The following LINS1 variants were observed in gnomAD, a reference collection of about 807,000 sequenced individuals.
LINS1 encodes lines homolog 1, also known as protein Lines homolog 1.
In LINS1, 27 loss-of-function variants were observed where a neutral mutation model predicts 41.6. That is an observed-to-expected ratio of 0.65 (90% CI 0.48 to 0.89). The LOEUF is 0.89. Among genes scored for constraint, LINS1 ranks in the 40% least tolerant of loss-of-function variants. LINS1 has a pLI of 0.00. For synonymous variants in LINS1, 336 were observed against 312.9 expected, an observed-to-expected ratio of 1.07 and a Z score of -0.78; for missense variants, 955 against 884.1, an observed-to-expected ratio of 1.08 and a Z score of -1.02.
intron 3 of LINS1, 97 bp from the exon 4 acceptor site, chr15:100,575,225 G>T (rs545484968): frequency 9.2e-7 from 1 of 1,090,886 alleles, no homozygotes; most frequent in Admixed American, 2.0e-5. Context: ...GCCAAAAGAA[G>T]TATGATAATA....
intron 5 of LINS1, 69 bp downstream of exon 5, chr15:100,573,582 G>A (rs1033905669): frequency 3.0e-6 from 3 of 1,003,914 alleles, no homozygotes; most frequent in Admixed American, 4.1e-5. Context: ...CCTGAGATTT[G>A]ATAATTATGA....
intron 1 of LINS1, among the ~76,000 whole-genome samples, chr15:100,586,618 G>T (rs185943108): frequency 6.6e-6 from 1 of 152,270 alleles, no homozygotes; most frequent in African/African-American, 2.4e-5. Flanking sequence ...GTGCCAAAAA[G>T]TTTATATTAC....
intron 1 of LINS1, among the ~76,000 whole-genome samples, chr15:100,598,852 G>C (rs1333250064): frequency 6.6e-6 from 1 of 152,148 alleles, no homozygotes; most frequent in Non-Finnish European, 1.5e-5. Flanking sequence ...ACTGCCTGCT[G>C]CCAACTAGAG....
intron 1 of LINS1, among the ~76,000 whole-genome samples, chr15:100,583,761 T>C (rs1374500730): frequency 6.6e-6 from 1 of 152,196 alleles, no homozygotes; most frequent in Non-Finnish European, 1.5e-5. Flanking sequence ...TTATGAACAC[T>C]CTCCCTATTG....
chr15:100,569,435 A>C lies in LINS1; in HGVS notation c.2077T>G (p.Phe693Val). The change falls in exon 7 of 7, where the codon TTT becomes GTT. Residue 693 changes from phenylalanine to valine, a missense_variant. Physicochemically the swap from Phe to Val is conservative, Grantham distance 50. Coordinates refer to ENST00000314742, the MANE Select transcript of LINS1 (RefSeq NM_001040616.3). ...VLKEFDTAFS[F>V]DCEVAPNDVV... Reference sequence around the variant, plus strand: ...TCATTTGGGGCTACTTCACAATCAAAGGAGAAGGCAGTATCAAATTCTTTC... The same window carrying C: ...TCATTTGGGGCTACTTCACAATCAACGGAGAAGGCAGTATCAAATTCTTTC... 2 of 1,614,178 alleles carry C rather than the reference A, an allele frequency of 1.2e-6. No homozygotes were observed. Among genetic ancestry groups the C allele is most frequent in the Non-Finnish European group, 1.7e-6 (2 of 1,180,004 alleles).
At position 100,580,211 on chromosome 15, in the gene LINS1, T is replaced by A. The variant is rs1165668147; in HGVS notation, c.489+52A>T. 26 of 1,362,322 alleles carry A rather than the reference T, an allele frequency of 1.9e-5. No individual in the cohort carries two copies. In the Admixed American group the frequency reaches 4.4e-4, roughly 23 times the overall value. 84.4% of individuals were successfully genotyped at this position (1,362,322 alleles called of 1,614,324 possible). On this transcript the variant is annotated intron_variant, in intron 3 of 6. Transcript: ENST00000314742. Reference sequence around the variant, plus strand: ...CTTGTCTCCACAAAACATTTAAATTTAAAAAAAATTAAGAAAGAGAAATAA... The same window carrying A: ...CTTGTCTCCACAAAACATTTAAATTAAAAAAAAATTAAGAAAGAGAAATAA...
At chr15:100,583,882 ATATTT>A (rs1351459456) in intron 1 of LINS1, among the ~76,000 whole-genome samples, 1 of 152,108 alleles carries the variant, frequency 6.6e-6, no homozygotes, top group Admixed American at 6.5e-5. Flanking sequence ...CACTTACTTT[ATATTT>A]TAGTTATAAT....
At chr15:100,596,840 A>C (rs1459176715) in intron 1 of LINS1, 1 of 151,916 alleles carries the variant, frequency 6.6e-6, no homozygotes, top group Admixed American at 6.6e-5. Context: ...CTGAATGCAT[A>C]CTCTTGGCTG....
intron 1 of LINS1, among the ~76,000 whole-genome samples, chr15:100,587,722 T>C (rs1387327556): frequency 6.6e-6 from 1 of 152,236 alleles, no homozygotes. Flanking sequence ...CTGCAGGAAT[T>C]AATGGAGCAC....
chr15:100,574,322 C>T, intron 4 of LINS1, 81 bp from the exon 5 acceptor site: 2 of 940,254 alleles, frequency 2.1e-6, no homozygotes, highest in South Asian at 2.9e-5. Context: ...TTATAAATAT[C>T]ACTTTTTAAG....
chr15:100,569,196 T>C lies in LINS1; in HGVS notation c.*42A>G, dbSNP rs375373881. On this transcript the variant is annotated 3_prime_UTR_variant, in exon 7 of 7. Transcript: ENST00000314742. ...TATTACCTCATTGAGACATAATTTA[T>C]ATTAAGGAAAAACAATACCTGGAAA... 3 of 1,367,666 alleles carry C rather than the reference T, an allele frequency of 2.2e-6. No homozygotes were observed. The African/African-American group carries it at 4.3e-5, about 20-fold the overall frequency. The allele number at this position is 1,367,666 out of a possible 1,614,324, so 84.7% of individuals were successfully genotyped here.
At chr15:100,573,356 A>G in intron 5 of LINS1, 1 of 1,228,798 alleles carries the variant, frequency 8.1e-7, no homozygotes, top group Non-Finnish European at 1.0e-6. Context: ...TGCTGTAAAT[A>G]CTTGAATATG....
At chr15:100,595,639 G>T (rs1425855805) in intron 1 of LINS1, among the ~76,000 whole-genome samples, 1 of 152,132 alleles carries the variant, frequency 6.6e-6, no homozygotes, top group African/African-American at 2.4e-5. Flanking sequence ...TTTGAATTCA[G>T]AATACAAAAA....
At chr15:100,584,596 G>T (rs1158138331) in intron 1 of LINS1, among the ~76,000 whole-genome samples, 1 of 151,968 alleles carries the variant, frequency 6.6e-6, no homozygotes, top group African/African-American at 2.4e-5. Flanking sequence ...TTGGGGTTAT[G>T]AGAGGAAGAA....
In LINS1 at chr15:100,575,139, G is replaced by C. The variant is rs2038087398; in HGVS notation, c.490-11C>G. The stretch of plus-strand genomic sequence containing the variant: ...ATTACTTAAGGTTATCTACAAGTGA[G>C]AAAATAAAGCAAGCAGTTAAAATAC... On this transcript the variant is annotated splice_polypyrimidine_tract_variant and intron_variant, in intron 3 of 6. Coordinates refer to ENST00000314742, the MANE Select transcript of LINS1 (RefSeq NM_001040616.3). The C allele has an allele frequency of 6.2e-7, 1 of 1,606,848 alleles. No individual in the cohort carries two copies. The highest frequency in any genetic ancestry group is 1.3e-5 in the African/African-American group (1 of 74,906).
intron 1 of LINS1, among the ~76,000 whole-genome samples, chr15:100,598,699 C>G (rs537489786): frequency 7.2e-5 from 11 of 152,312 alleles, no homozygotes; most frequent in South Asian, 2.1e-4. Flanking sequence ...TCTACCCAGC[C>G]CCATCGCCTT....
Position 100,569,389 on chromosome 15 carries a change from ATTCCC to A in LINS1, c.2118_2122del (p.Gly707IlefsTer27), listed in dbSNP as rs1210254805. The A allele has an allele frequency of 3.5e-5, 57 of 1,614,054 alleles. No individual in the cohort carries two copies. The highest frequency in any genetic ancestry group is 4.7e-5 in the Non-Finnish European group (56 of 1,180,034). ...GAAGCATTTTACTATTCTGTAAAAT[ATTCCC>A]ACTTCAGAGACGACATCATTTGGGG... is the stretch of plus-strand genomic sequence containing the variant. On this transcript the variant is annotated frameshift_variant, in exon 7 of 7. Coordinates refer to ENST00000314742, the MANE Select transcript of LINS1 (RefSeq NM_001040616.3). LOFTEE classifies it low-confidence loss of function (END_TRUNC).
intron 1 of LINS1, among the ~76,000 whole-genome samples, chr15:100,586,868 G>A (rs947709766): frequency 6.6e-6 from 1 of 152,030 alleles, no homozygotes; most frequent in African/African-American, 2.4e-5. Context: ...AGTAAGTATT[G>A]TAAAGAAATG....
Position 100,574,121 on chromosome 15 carries a change from C to A in LINS1, c.752G>T (p.Cys251Phe), listed in dbSNP as rs761759910. The A allele has an allele frequency of 2.5e-6, 4 of 1,613,934 alleles. No homozygotes were observed. In the African/African-American group the frequency reaches 5.3e-5, roughly 22 times the overall value. The change falls in exon 5 of 7, where the codon TGT becomes TTT. Residue 251 changes from cysteine (C) to phenylalanine (F), a missense_variant. Physicochemically the swap from Cys to Phe is radical, Grantham distance 205 (BLOSUM62 -2). Coordinates refer to ENST00000314742, the MANE Select transcript of LINS1 (RefSeq NM_001040616.3). Reference sequence around the variant, plus strand: ...GAGAAGCTCAAGCAAATCCAGGAAACACATCAGGATGTTTACTATTTTAGA... The same window carrying A: ...GAGAAGCTCAAGCAAATCCAGGAAAAACATCAGGATGTTTACTATTTTAGA... ...DTSKIVNILM[C>F]FLDLLELLIA...
Sources: allele counts gnomAD v4.1 joint callset (sites outside exome capture counted in the v4.1 genomes callset), GRCh38; gene constraint gnomAD v4.1.1; transcripts MANE v1.5; gene names NCBI Gene and HGNC (gene_info 2026-07-23, HGNC 2026-07-21).